Variants in GPC5 observed in about 807,000 individuals in gnomAD.
The protein encoded by GPC5 is glypican 5.
In GPC5, 47 loss-of-function variants were observed where a neutral mutation model predicts 53.9. The ratio of observed to expected loss-of-function variants is 0.87; its 90% CI spans 0.69 to 1.11. The LOEUF (loss-of-function observed/expected upper bound fraction) is 1.11. Ranked by LOEUF, GPC5 falls within the 50% of genes most tolerant of loss-of-function variation. GPC5 has a pLI of 0.00. For synonymous variants in GPC5, 286 were observed against 263.3 expected (o/e 1.09, Z -0.84); for missense variants, 748 against 713.1 (o/e 1.05, Z -0.56).
chr13:91,588,639 C>T (rs956127301), intron 2 of GPC5, among the ~76,000 whole-genome samples: 1 of 152,150 alleles, frequency 6.6e-6, no homozygotes, highest in Non-Finnish European at 1.5e-5. Context: ...CCTATCCTTT[C>T]TTCCTGCCAT....
intron 7 of GPC5, among the ~76,000 whole-genome samples, chr13:92,530,315 G>T (rs1881513259): frequency 6.6e-6 from 1 of 152,070 alleles, no homozygotes; most frequent in Admixed American, 6.5e-5. Flanking sequence ...TAGGGTCAGG[G>T]TGGAGGGGAG....
intron 6 of GPC5, among the ~76,000 whole-genome samples, chr13:91,922,026 A>G (rs958431140): frequency 6.6e-6 from 1 of 152,156 alleles, no homozygotes; most frequent in Admixed American, 6.6e-5. Flanking sequence ...ATGGGTGAGG[A>G]AAAGGAAAGT....
At chr13:92,284,799 A>G (rs2042942040) in intron 7 of GPC5, among the ~76,000 whole-genome samples, 1 of 152,220 alleles carries the variant, frequency 6.6e-6, no homozygotes, top group African/African-American at 2.4e-5. Flanking sequence ...TGAATGGGCA[A>G]AAACTGGAAG....
intron 2 of GPC5, among the ~76,000 whole-genome samples, chr13:91,672,887 G>A (rs1475987750): frequency 6.6e-6 from 1 of 152,140 alleles, no homozygotes; most frequent in African/African-American, 2.4e-5. Flanking sequence ...ATATACCATG[G>A]AATACTATTC....
intron 6 of GPC5, among the ~76,000 whole-genome samples, chr13:92,094,815 CT>C (rs140257689): frequency 0.038 from 5,764 of 151,656 alleles, 369 homozygotes; most frequent in African/African-American, 0.13. Context: ...TCACATATTG[CT>C]TTTTTTGCCA....
chr13:92,150,653 GC>G (rs1325318528), intron 7 of GPC5, among the ~76,000 whole-genome samples: 1 of 151,962 alleles, frequency 6.6e-6, no homozygotes, highest in Non-Finnish European at 1.5e-5. Flanking sequence ...GTCCTTGAAT[GC>G]CTAAGTGATT....
chr13:92,592,331 T>C (rs1326412546), intron 7 of GPC5, among the ~76,000 whole-genome samples: 1 of 151,946 alleles, frequency 6.6e-6, no homozygotes, highest in Admixed American at 6.6e-5. Flanking sequence ...TGAACACCTG[T>C]ATAGTGTATG....
chr13:91,844,399 A>G (rs1344270903), intron 5 of GPC5, among the ~76,000 whole-genome samples: 3 of 152,172 alleles, frequency 2.0e-5, no homozygotes, highest in African/African-American at 7.2e-5. Flanking sequence ...CTAGGGAATC[A>G]AGACAAGGAG....
At chr13:91,966,699 G>A (rs1438614325) in intron 6 of GPC5, among the ~76,000 whole-genome samples, 1 of 152,152 alleles carries the variant, frequency 6.6e-6, no homozygotes, top group Non-Finnish European at 1.5e-5. Flanking sequence ...GATATTTGAA[G>A]TTGATGAAAT....
chr13:91,449,366 C>T (rs1347291052), intron 2 of GPC5, among the ~76,000 whole-genome samples: 15 of 151,830 alleles, frequency 9.9e-5, no homozygotes. Context: ...TAAAATTTTA[C>T]TTTAAATTCT....
chr13:92,851,862 T>C (rs1878816694), intron 7 of GPC5, among the ~76,000 whole-genome samples: 1 of 132,304 alleles, frequency 7.6e-6, no homozygotes, highest in Non-Finnish European at 1.5e-5. Flanking sequence ...CACTCCAGCC[T>C]GAGTGACAGA....
At chr13:91,761,243 T>A (rs2037405086) in intron 5 of GPC5, among the ~76,000 whole-genome samples, 2 of 152,186 alleles carry the variant, frequency 1.3e-5, no homozygotes, top group Non-Finnish European at 2.9e-5. Flanking sequence ...CCACAGTGGC[T>A]CTTAAACCAG....
intron 1 of GPC5, among the ~76,000 whole-genome samples, chr13:91,439,066 C>T (rs1880218985): frequency 6.6e-6 from 1 of 152,236 alleles, no homozygotes; most frequent in Non-Finnish European, 1.5e-5. Flanking sequence ...GGAGCTGTTC[C>T]TATTCGGGCA....
At chr13:92,414,716 C>T (rs2225157) in intron 7 of GPC5, among the ~76,000 whole-genome samples, 55,254 of 151,942 alleles carry the variant, frequency 0.36, 10,324 homozygotes, top group Non-Finnish European at 0.39. Flanking sequence ...AAAAATTTAT[C>T]TCTTACAATT....
chr13:91,414,113 C>T (rs930685724), intron 1 of GPC5, among the ~76,000 whole-genome samples: 1 of 152,120 alleles, frequency 6.6e-6, no homozygotes, highest in Non-Finnish European at 1.5e-5. Flanking sequence ...TGGCTGTGTC[C>T]CCACTCAAAT....
chr13:92,843,736 T>C (rs181481500), intron 7 of GPC5, among the ~76,000 whole-genome samples: 3 of 152,276 alleles, frequency 2.0e-5, no homozygotes, highest in Non-Finnish European at 2.9e-5. Context: ...ATTGTCTTTG[T>C]CCTTGAAAAA....
chr13:91,492,452 C>CT (rs1394687156), intron 2 of GPC5, among the ~76,000 whole-genome samples: 2 of 152,156 alleles, frequency 1.3e-5, no homozygotes, highest in Non-Finnish European at 2.9e-5. Context: ...GGGCCACAGT[C>CT]TAAGTCCTGG....
chr13:91,721,077 CT>C (rs1298310179), intron 3 of GPC5, among the ~76,000 whole-genome samples: 2 of 7,356 alleles, frequency 2.7e-4, no homozygotes, highest in Non-Finnish European at 3.8e-4. Context: ...TTCTTTCTTT[CT>C]TTCTTTCTTT....
At chr13:92,333,250 C>T (rs77738587) in intron 7 of GPC5, among the ~76,000 whole-genome samples, 2,691 of 152,242 alleles carry the variant, frequency 0.018, 90 homozygotes, top group African/African-American at 0.061. Context: ...AGAGAAAAGT[C>T]TCCTCATCGT....
Sources: allele counts gnomAD v4.1 joint callset (sites outside exome capture counted in the v4.1 genomes callset), GRCh38; gene constraint gnomAD v4.1.1; transcripts MANE v1.5; gene names NCBI Gene and HGNC (gene_info 2026-07-23, HGNC 2026-07-21).